Variants in FSD1L observed in about 807,000 individuals in gnomAD.
The protein encoded by FSD1L is FSD1-like protein.
FSD1L carries 45 observed loss-of-function variants against 71.6 expected under a neutral mutation model. The ratio of observed to expected loss-of-function variants is 0.63; its 90% confidence interval spans 0.49 to 0.81. The LOEUF (loss-of-function observed/expected upper bound fraction) is 0.81. FSD1L is among the 30% of genes least tolerant of loss of function. FSD1L has a pLI of 0.00. For synonymous variants in FSD1L, 197 were observed against 207.2 expected (o/e 0.95, Z 0.42); for missense variants, 561 against 618.1 (o/e 0.91, Z 0.98).
At chr9:105,453,216 C>T (rs1184425753) in intron 1 of FSD1L, among the ~76,000 whole-genome samples, 1 of 151,992 alleles carries the variant, frequency 6.6e-6, no homozygotes, top group East Asian at 1.9e-4. Context: ...GAGTCTTGCT[C>T]TGCCACCCAG....
chr9:105,481,987 C>G (rs1367049162), intron 6 of FSD1L, among the ~76,000 whole-genome samples: 1 of 152,024 alleles, frequency 6.6e-6, no homozygotes, highest in African/African-American at 2.4e-5. Flanking sequence ...GTTGCCTAGG[C>G]TGGTCTCAAA....
At chr9:105,508,334 C>T (rs1163027362) in intron 8 of FSD1L, among the ~76,000 whole-genome samples, 8 of 151,890 alleles carry the variant, frequency 5.3e-5, no homozygotes, top group African/African-American at 9.7e-5. Context: ...CCCGCCACCA[C>T]GCCTGGCTAA....
chr9:105,489,657 C>A (rs1312693726), intron 7 of FSD1L, among the ~76,000 whole-genome samples: 2 of 152,120 alleles, frequency 1.3e-5, no homozygotes, highest in African/African-American at 4.8e-5. Flanking sequence ...CCTCCCCACT[C>A]CCCTCACCCC....
intron 7 of FSD1L, among the ~76,000 whole-genome samples, chr9:105,484,839 A>C (rs1177987193): frequency 6.6e-6 from 1 of 152,098 alleles, no homozygotes; most frequent in Admixed American, 6.5e-5. Context: ...CAATTTACTT[A>C]ACTTGCTTCA....
intron 3 of FSD1L, 65 bp from the exon 4 acceptor site, chr9:105,468,128 A>G (rs1414499194): frequency 8.9e-7 from 1 of 1,126,748 alleles, no homozygotes; most frequent in African/African-American, 1.6e-5. Flanking sequence ...TTTTGGGCAT[A>G]CCTTTTAGGT....
intron 1 of FSD1L, among the ~76,000 whole-genome samples, chr9:105,448,872 C>T (rs1829804751): frequency 6.6e-6 from 1 of 152,028 alleles, no homozygotes; most frequent in African/African-American, 2.4e-5. Context: ...ACTTAGGGGT[C>T]GTTGTGGAAT....
At chr9:105,447,025 T>A (rs1225857107), upstream of FSD1L, among the ~76,000 whole-genome samples, 1 of 151,994 alleles carries the variant, frequency 6.6e-6, no homozygotes, top group Non-Finnish European at 1.5e-5. Context: ...CCACTAAGAA[T>A]GACTATAATG....
At chr9:105,521,932 G>A (rs887005014) in intron 10 of FSD1L, 64 of 1,612,354 alleles carry the variant, frequency 4.0e-5, no homozygotes, top group East Asian at 3.1e-4. Flanking sequence ...ATGTGTAAAC[G>A]CATTCTTAAC....
chr9:105,506,193 C>T (rs1351711032), intron 7 of FSD1L, among the ~76,000 whole-genome samples: 1 of 152,134 alleles, frequency 6.6e-6, no homozygotes, highest in East Asian at 1.9e-4. Flanking sequence ...GCAAGTTATT[C>T]TCGATTCCTT....
At chr9:105,486,474 C>T (rs1298586738) in intron 7 of FSD1L, among the ~76,000 whole-genome samples, 1 of 152,152 alleles carries the variant, frequency 6.6e-6, no homozygotes, top group Non-Finnish European at 1.5e-5. Flanking sequence ...TTCATGTTCA[C>T]TCTTGGGAGA....
chr9:105,551,231 T>G lies in FSD1L; in HGVS notation c.*4748T>G, dbSNP rs1279607636. On this transcript the variant is annotated 3_prime_UTR_variant, in exon 14 of 14. Transcript: ENST00000481272. ...ACTATAAGACAGATAATAGCTAAAG[T>G]TTTGGAATAATTTATATTAAAAGCC... 1.3e-5 allele frequency: 2 copies of G among 151,962 alleles called. No homozygotes were observed. Among genetic ancestry groups the G allele is most frequent in the Non-Finnish European group, 2.9e-5 (2 of 67,946 alleles). 9.4% of individuals were successfully genotyped at this position (151,962 alleles called of 1,614,324 possible). A position where few individuals can be genotyped will look rare whatever the true frequency, so the allele number is the denominator to read the frequency against.
intron 7 of FSD1L, among the ~76,000 whole-genome samples, chr9:105,504,156 A>G (rs1833924777): frequency 6.6e-6 from 1 of 152,256 alleles, no homozygotes; most frequent in Non-Finnish European, 1.5e-5. Context: ...ATGTAGGCAT[A>G]GCAGAGCATA....
intron 2 of FSD1L, among the ~76,000 whole-genome samples, chr9:105,462,567 A>G (rs1830777782): frequency 7.6e-6 from 1 of 131,122 alleles, no homozygotes. Flanking sequence ...TCTGTTGCCC[A>G]GGCTGGAGTG....
chr9:105,521,622 A>G lies in FSD1L; in HGVS notation c.1025+8686A>G, dbSNP rs1435495256. ...CATGCAAGAGCCTGAAGAAATTGTG[A>G]TCACTTCTTCAGACCTCCCTTGCAT... On this transcript the variant is annotated intron_variant, in intron 10 of 13. Coordinates refer to ENST00000481272, the MANE Select transcript of FSD1L (RefSeq NM_001145313.3). 9 of 1,613,146 alleles carry G rather than the reference A, an allele frequency of 5.6e-6. No homozygotes were observed. The Middle Eastern group carries it at 5.1e-4, about 92-fold the overall frequency.
intron 10 of FSD1L, among the ~76,000 whole-genome samples, chr9:105,518,180 A>G (rs999576548): frequency 1.3e-5 from 2 of 152,216 alleles, no homozygotes; most frequent in Non-Finnish European, 2.9e-5. Flanking sequence ...AGAGACCAAC[A>G]AAGAGAATTA....
intron 10 of FSD1L, chr9:105,522,638 T>C (rs937903548): frequency 8.5e-5 from 137 of 1,612,464 alleles, no homozygotes; most frequent in Non-Finnish European, 1.1e-4. Flanking sequence ...TGCCTTGAAG[T>C]AGCAGCACTT....
chr9:105,450,308 G>C (rs1041830368), intron 1 of FSD1L, among the ~76,000 whole-genome samples: 1 of 152,142 alleles, frequency 6.6e-6, no homozygotes, highest in Non-Finnish European at 1.5e-5. Flanking sequence ...AGAAAAATAG[G>C]TACTGCAAAG....
intron 4 of FSD1L, among the ~76,000 whole-genome samples, chr9:105,470,735 G>C (rs1469425200): frequency 1.3e-5 from 2 of 151,964 alleles, no homozygotes; most frequent in Admixed American, 1.3e-4. Flanking sequence ...CCCAGGTTGA[G>C]GTTTGTTGTT....
chr9:105,453,044 GTTTTTTTT>G (rs774826229), intron 1 of FSD1L, among the ~76,000 whole-genome samples: 1 of 88,240 alleles, frequency 1.1e-5, no homozygotes, highest in African/African-American at 4.9e-5. Flanking sequence ...ACCTAAAGTT[GTTTTTTTT>G]TTTTTTTTTT....
Sources: allele counts gnomAD v4.1 joint callset (sites outside exome capture counted in the v4.1 genomes callset), GRCh38; gene constraint gnomAD v4.1.1; transcripts MANE v1.5; gene names NCBI Gene and HGNC (gene_info 2026-07-23, HGNC 2026-07-21).